PTPRD: variants seen among roughly 807,000 people sequenced by gnomAD.
The protein encoded by PTPRD is protein tyrosine phosphatase receptor type D.
In PTPRD, 34 loss-of-function variants were observed where a neutral mutation model predicts 214.5. The observed-to-expected ratio is 0.16, with a 90% confidence interval of 0.12 to 0.21. The LOEUF is 0.21. PTPRD is among the 10% of genes least tolerant of loss of function. The pLI, the probability that PTPRD is intolerant of heterozygous loss-of-function variation, is 1.00. For missense variants in PTPRD, 2,545 were observed against 2,398.7 expected, an observed-to-expected ratio of 1.06 and a Z score of -1.27; for synonymous variants, 1,128 against 845.7, an observed-to-expected ratio of 1.33 and a Z score of -5.79.
chr9:10,002,553 A>G (rs528426355), intron 4 of PTPRD, among the ~76,000 whole-genome samples: 3 of 151,338 alleles, frequency 2.0e-5, no homozygotes, highest in Non-Finnish European at 4.4e-5. Flanking sequence ...ACTATCAGAC[A>G]AAATAGACTT....
At chr9:9,050,379 C>T (rs2099682538) in intron 10 of PTPRD, among the ~76,000 whole-genome samples, 1 of 152,084 alleles carries the variant, frequency 6.6e-6, no homozygotes, top group Non-Finnish European at 1.5e-5. Context: ...GGATTTGAAC[C>T]ATGGACGTTT....
intron 13 of PTPRD, 135 bp downstream of exon 13, chr9:8,636,564 T>TC (rs1398967105): frequency 1.2e-5 from 14 of 1,140,838 alleles, no homozygotes; most frequent in Non-Finnish European, 1.7e-5. Flanking sequence ...AGTTACATTT[T>TC]CCATCACTTG....
Position 8,565,287 on chromosome 9 carries a change from CTA to C in PTPRD, c.353-36510_353-36509del, listed in dbSNP as rs556406369. Among the ~76,000 whole-genome samples, 17 of 152,272 alleles carry C rather than the reference CTA, an allele frequency of 1.1e-4. No individual in the cohort carries two copies. The South Asian group carries it at 3.5e-3, about 32-fold the overall frequency. On this transcript the variant is annotated intron_variant, in intron 14 of 45. Transcript: ENST00000381196. ...ATGAAGTTTGAAATGTAATCAACTG[CTA>C]TTTTAAATTTGACCTTTTTTTCCCT...
At chr9:9,170,890 A>G (rs2099913176) in intron 10 of PTPRD, among the ~76,000 whole-genome samples, 1 of 152,120 alleles carries the variant, frequency 6.6e-6, no homozygotes, top group Admixed American at 6.6e-5. Context: ...AATGATAATG[A>G]GCCAGCCTCA....
chr9:8,496,284 G>C (rs1280006344), intron 26 of PTPRD, among the ~76,000 whole-genome samples: 1 of 151,296 alleles, frequency 6.6e-6, no homozygotes, highest in Non-Finnish European at 1.5e-5. Context: ...CTAAGCTTCA[G>C]GACTTCTTTT....
At chr9:9,664,736 A>G (rs1348305932) in intron 7 of PTPRD, among the ~76,000 whole-genome samples, 2 of 151,704 alleles carry the variant, frequency 1.3e-5, no homozygotes, top group Admixed American at 6.6e-5. Context: ...CTTTTGAAGG[A>G]GTCTTGCAGT....
chr9:8,743,451 G>C (rs146816188), intron 11 of PTPRD, among the ~76,000 whole-genome samples: 3 of 152,292 alleles, frequency 2.0e-5, no homozygotes, highest in South Asian at 2.1e-4. Context: ...TCTCAGGAAA[G>C]AAATACTCAG....
At chr9:8,880,381 A>T (rs1380919313) in intron 11 of PTPRD, among the ~76,000 whole-genome samples, 2 of 152,172 alleles carry the variant, frequency 1.3e-5, no homozygotes, top group African/African-American at 4.8e-5. Flanking sequence ...TTACCTGTGG[A>T]TATCTACAGG....
chr9:9,431,119 C>A (rs957219539), intron 8 of PTPRD, among the ~76,000 whole-genome samples: 1 of 152,118 alleles, frequency 6.6e-6, no homozygotes, highest in South Asian at 2.1e-4. Context: ...AACAGGCAAC[C>A]TACAGAATGG....
intron 2 of PTPRD, among the ~76,000 whole-genome samples, chr9:10,457,432 G>A (rs2098926734): frequency 1.3e-5 from 2 of 151,800 alleles, no homozygotes; most frequent in Admixed American, 6.6e-5. Flanking sequence ...ATAAAGTCTT[G>A]GTTATTTCTG....
chr9:10,334,417 T>C (rs753084010), intron 3 of PTPRD, among the ~76,000 whole-genome samples: 1 of 151,178 alleles, frequency 6.6e-6, no homozygotes, highest in South Asian at 2.1e-4. Context: ...GTAAAAAATA[T>C]CTATCCCACC....
chr9:8,740,354 G>C (rs2091601620), intron 11 of PTPRD, among the ~76,000 whole-genome samples: 1 of 152,108 alleles, frequency 6.6e-6, no homozygotes, highest in Admixed American at 6.6e-5. Context: ...ACATTCTATA[G>C]ACATAAAGGA....
At chr9:9,064,694 A>G (rs1034286880) in intron 10 of PTPRD, among the ~76,000 whole-genome samples, 4 of 152,222 alleles carry the variant, frequency 2.6e-5, no homozygotes, top group Non-Finnish European at 5.9e-5. Flanking sequence ...ATTTCAGTTG[A>G]CAGCAATCTG....
intron 8 of PTPRD, among the ~76,000 whole-genome samples, chr9:9,494,379 G>T (rs962308544): frequency 2.6e-5 from 4 of 152,286 alleles, no homozygotes; most frequent in Non-Finnish European, 4.4e-5. Context: ...AAACTTTTGT[G>T]AAAGGAAGAG....
intron 7 of PTPRD, among the ~76,000 whole-genome samples, chr9:9,724,413 C>T (rs1009541773): frequency 6.6e-6 from 1 of 152,140 alleles, no homozygotes; most frequent in Non-Finnish European, 1.5e-5. Flanking sequence ...AGGCCTTTGC[C>T]AGAGTTACGT....
intron 35 of PTPRD, among the ~76,000 whole-genome samples, chr9:8,410,540 G>C (rs1323244386): frequency 3.3e-5 from 5 of 152,146 alleles, no homozygotes; most frequent in Non-Finnish European, 5.9e-5. Context: ...GCCAACATTA[G>C]AGTGTGAAGG....
chr9:9,197,049 C>T (rs1014660337), intron 9 of PTPRD, among the ~76,000 whole-genome samples: 12 of 152,296 alleles, frequency 7.9e-5, no homozygotes, highest in South Asian at 4.1e-4. Context: ...AATGACCAAG[C>T]ATCCCCCAAC....
rs869246078 is a variant in PTPRD at position 9,384,343 on chromosome 9, C to CTTTTTTTTTTTTTTTT, written c.-203+13090_-203+13105dup. Among the ~76,000 whole-genome samples the CTTTTTTTTTTTTTTTT allele has an allele frequency of 1.2e-4, 4 of 33,318 alleles. 1 individual carries two copies. Among genetic ancestry groups the CTTTTTTTTTTTTTTTT allele is most frequent in the Non-Finnish European group, 2.1e-4 (3 of 14,296 alleles). The allele number at this position is 33,318 out of a possible 152,430, so 21.9% of individuals were successfully genotyped here. A position where few individuals can be genotyped will look rare whatever the true frequency, so the allele number is the denominator to read the frequency against. ...GATGATATTTGAGCAGAAGACTAGG[C>CTTTTTTTTTTTTTTTT]TTTTTTTTTTTTTTTTTTTTTTTTT... On this transcript the variant is annotated intron_variant, in intron 9 of 45. Coordinates refer to ENST00000381196, the MANE Select transcript of PTPRD (RefSeq NM_002839.4).
At chr9:9,675,502 G>A (rs1454868240) in intron 7 of PTPRD, among the ~76,000 whole-genome samples, 1 of 151,382 alleles carries the variant, frequency 6.6e-6, no homozygotes, top group Non-Finnish European at 1.5e-5. Context: ...AAAATAAAAA[G>A]GTCAGATTTT....
Sources: allele counts gnomAD v4.1 joint callset (sites outside exome capture counted in the v4.1 genomes callset), GRCh38; gene constraint gnomAD v4.1.1; transcripts MANE v1.5; gene names NCBI Gene and HGNC (gene_info 2026-07-23, HGNC 2026-07-21).